Variants in DHRS3 observed in about 807,000 individuals in gnomAD.
The protein encoded by DHRS3 is short-chain dehydrogenase/reductase 3.
Under a neutral mutation model 27.2 loss-of-function variants are expected in DHRS3, and 14 were observed. That is an observed-to-expected ratio of 0.52 (90% CI 0.34 to 0.81). The LOEUF is 0.81. Among genes scored for constraint, DHRS3 ranks in the 30% least tolerant of loss-of-function variants. The pLI, the probability that DHRS3 is intolerant of heterozygous loss-of-function variation, is 0.01. For synonymous variants in DHRS3, 165 were observed against 175.9 expected, an observed-to-expected ratio of 0.94 and a Z score of 0.49; for missense variants, 322 against 406.2, an observed-to-expected ratio of 0.79 and a Z score of 1.78.
intron 1 of DHRS3, among the ~76,000 whole-genome samples, chr1:12,612,471 C>G (rs1170647267): frequency 6.6e-6 from 1 of 152,176 alleles, no homozygotes; most frequent in Admixed American, 6.6e-5. Context: ...CAGGTGGTTT[C>G]TTGTACCTAG....
In DHRS3 at chr1:12,594,164, G is replaced by A. The variant is rs571574771; in HGVS notation, c.196-13498C>T. Among the ~76,000 whole-genome samples the A allele has an allele frequency of 6.6e-6, 1 of 152,196 alleles. No homozygotes were observed. Among genetic ancestry groups the A allele is most frequent in the Non-Finnish European group, 1.5e-5 (1 of 68,034 alleles). On this transcript the variant is annotated intron_variant, in intron 1 of 5. Transcript: ENST00000616661. This position sits in a 1 kb window ranked among gnomAD's most constrained non-coding sequence, Gnocchi z 4.1. ...ACACATCTCCAGATTACTGTCCACCGGGGTGGGATTCAAATTTGGACAGTC... is the reference window on the plus strand; with the variant it reads ...ACACATCTCCAGATTACTGTCCACCAGGGTGGGATTCAAATTTGGACAGTC...
rs1182018071 is a variant in DHRS3 at position 12,580,517 on chromosome 1, AC to A, written c.339+5del. 6.2e-7 allele frequency: 1 copy of A among 1,614,040 alleles called. No homozygotes were observed. Among genetic ancestry groups the A allele is most frequent in the Non-Finnish European group, 8.5e-7 (1 of 1,180,032 alleles). ...TGCTAGGAATAGACCCTCCCAGGCT[AC>A]AGACCTTCTCCCGGACGGCCTTGGC... is the stretch of plus-strand genomic sequence containing the variant. On this transcript the variant is annotated splice_donor_5th_base_variant and intron_variant, in intron 2 of 5. Transcript: ENST00000616661.
At position 12,568,164 on chromosome 1, in the gene DHRS3, A is replaced by G. The variant is rs1418938865; in HGVS notation, c.*176T>C. On this transcript the variant is annotated 3_prime_UTR_variant, in exon 6 of 6. Transcript: ENST00000616661. The stretch of plus-strand genomic sequence containing the variant: ...CTCCCTGTGGGGGTCAGTTATACCC[A>G]TCAGTCCTGTGCAAAGGTCCTGGGA... 17 of 609,570 alleles carry G rather than the reference A, an allele frequency of 2.8e-5. No homozygotes were observed. The highest frequency in any genetic ancestry group is 4.4e-5 in the Non-Finnish European group (15 of 338,962). 37.8% of individuals were successfully genotyped at this position (609,570 alleles called of 1,614,324 possible).
intron 1 of DHRS3, among the ~76,000 whole-genome samples, chr1:12,582,923 C>T (rs1347480701): frequency 6.6e-6 from 1 of 151,034 alleles, no homozygotes; most frequent in Non-Finnish European, 1.5e-5. Flanking sequence ...TCCATCCATC[C>T]ACTTACCCAC....
rs967607503 is a variant in DHRS3, at chr1:12,609,032, G to A, written c.195+8122C>T. On this transcript the variant is annotated intron_variant, in intron 1 of 5. Coordinates refer to ENST00000616661, the MANE Select transcript of DHRS3 (RefSeq NM_004753.7). ...CCCCAGAAGTCGTTTGACAAAGTAG[G>A]ACTGAAAAGCATCTCCTTCATTCTA... 2.2e-4 allele frequency among the ~76,000 whole-genome samples: 34 copies of A among 152,204 alleles called. 1 individual carries two copies. Among genetic ancestry groups the A allele is most frequent in the African/African-American group, 7.7e-4 (32 of 41,456 alleles).
rs960810854 is a variant in DHRS3 at position 12,574,544 on chromosome 1, G to A, written c.699-1691C>T. Among the ~76,000 whole-genome samples, 1 of 152,168 alleles carries A rather than the reference G, an allele frequency of 6.6e-6. No homozygotes were observed. Among genetic ancestry groups the A allele is most frequent in the Non-Finnish European group, 1.5e-5 (1 of 68,032 alleles). ...CCTCTGCCATTCTACAGAGATGAAC[G>A]TGTTGAGGCAGCTCACTGATACTGG... On this transcript the variant is annotated intron_variant, in intron 4 of 5. Transcript: ENST00000616661. The surrounding 1 kb of genome is among the most constrained non-coding windows in gnomAD (Gnocchi z 4.6).
At chr1:12,575,219 C>T (rs1265625635) in intron 4 of DHRS3, among the ~76,000 whole-genome samples, 1 of 151,588 alleles carries the variant, frequency 6.6e-6, no homozygotes, top group Non-Finnish European at 1.5e-5. Flanking sequence ...CCCAGCTACT[C>T]GGGAGGCTGA....
In DHRS3 at chr1:12,617,872, A is replaced by AT; in HGVS notation, c.-525_-524insA. ...ACCCCGTCTCCAGAAAAAAAAAAAAAAAAAAAGTGGGGGGAAAAAGTGCTT... is the reference window on the plus strand; with the variant it reads ...ACCCCGTCTCCAGAAAAAAAAAAAAATAAAAAAGTGGGGGGAAAAAGTGCTT... On this transcript the variant is annotated 5_prime_UTR_variant, in exon 1 of 6. Transcript: ENST00000616661. 1 of 149,896 alleles carries AT rather than the reference A, an allele frequency of 6.7e-6. No homozygotes were observed. The highest frequency in any genetic ancestry group is 2.0e-4 in the East Asian group (1 of 5,110). 9.3% of individuals were successfully genotyped at this position (149,896 alleles called of 1,614,324 possible). A position where few individuals can be genotyped will look rare whatever the true frequency, so the allele number is the denominator to read the frequency against.
chr1:12,575,904 AC>A (rs1343536137), intron 4 of DHRS3, among the ~76,000 whole-genome samples: 2 of 152,034 alleles, frequency 1.3e-5, no homozygotes, highest in Non-Finnish European at 2.9e-5. Flanking sequence ...ACAGGGTTTC[AC>A]CGTGTTGGCC....
At chr1:12,612,682 G>A (rs570365500) in intron 1 of DHRS3, among the ~76,000 whole-genome samples, 1 of 152,258 alleles carries the variant, frequency 6.6e-6, no homozygotes, top group African/African-American at 2.4e-5. Context: ...AGAGTTTTTG[G>A]AGCTATAACT....
At chr1:12,582,673 G>C (rs1014545434) in intron 1 of DHRS3, among the ~76,000 whole-genome samples, 1 of 151,952 alleles carries the variant, frequency 6.6e-6, no homozygotes, top group Non-Finnish European at 1.5e-5. Context: ...ACCACCCCCC[G>C]CCTTGCCTTG....
chr1:12,581,131 A>G (rs1473273117), intron 1 of DHRS3, among the ~76,000 whole-genome samples: 1 of 152,188 alleles, frequency 6.6e-6, no homozygotes. Flanking sequence ...CCAGCCAACA[A>G]TATAACTTTT....
Position 12,600,488 on chromosome 1 carries a change from C to T in DHRS3, c.195+16666G>A, listed in dbSNP as rs570419068. 355 of 733,190 alleles carry T rather than the reference C, an allele frequency of 4.8e-4. No homozygotes were observed. The African/African-American group carries it at 6.0e-3, about 12-fold the overall frequency. 45.4% of individuals were successfully genotyped at this position (733,190 alleles called of 1,614,324 possible). ...AGATGTAAGAACACGGGCCGTGCAG[C>T]CAAGGGTGGACAGACGCCATGTGGG... On this transcript the variant is annotated intron_variant, in intron 1 of 5. Transcript: ENST00000616661.
intron 1 of DHRS3, among the ~76,000 whole-genome samples, chr1:12,614,323 G>C (rs952222184): frequency 6.6e-6 from 1 of 152,128 alleles, no homozygotes; most frequent in African/African-American, 2.4e-5. Context: ...TGGAGGGAAG[G>C]GGAATAAGTT....
At chr1:12,569,575 T>G (rs963294355) in intron 5 of DHRS3, among the ~76,000 whole-genome samples, 3 of 152,150 alleles carry the variant, frequency 2.0e-5, no homozygotes, top group Admixed American at 1.3e-4. Context: ...ATGTTTATTA[T>G]ATTTTTTTGA....
rs949219278 is a variant in DHRS3, at chr1:12,592,058, C to T, written c.196-11392G>A. On this transcript the variant is annotated intron_variant, in intron 1 of 5. Coordinates refer to ENST00000616661, the MANE Select transcript of DHRS3 (RefSeq NM_004753.7). This position sits in a 1 kb window ranked among gnomAD's most constrained non-coding sequence, Gnocchi z 4.2. ...GCATGGGTCAGCACAGTGCCCAGGGCTGGTGTTTGCTGTGAGGGGGTATGG... is the reference window on the plus strand; with the variant it reads ...GCATGGGTCAGCACAGTGCCCAGGGTTGGTGTTTGCTGTGAGGGGGTATGG... Among the ~76,000 whole-genome samples, 1 of 152,066 alleles carries T rather than the reference C, an allele frequency of 6.6e-6. No homozygotes were observed. Among genetic ancestry groups the T allele is most frequent in the Non-Finnish European group, 1.5e-5 (1 of 68,030 alleles).
chr1:12,584,322 G>A (rs1360754595), intron 1 of DHRS3, among the ~76,000 whole-genome samples: 4 of 152,134 alleles, frequency 2.6e-5, no homozygotes, highest in Non-Finnish European at 5.9e-5. Context: ...AAGGAATGAA[G>A]GCTGTCTCCC....
At position 12,572,638 on chromosome 1, in the gene DHRS3, ACTC is replaced by A; in HGVS notation, c.824+87_824+89del. On this transcript the variant is annotated intron_variant, in intron 5 of 5. Coordinates refer to ENST00000616661, the MANE Select transcript of DHRS3 (RefSeq NM_004753.7). ...GTACATCAGCAGCAAATGTGCCAGC[ACTC>A]CTCATGCTCATGCCCGCAGCAGACA... The A allele has an allele frequency of 2.0e-6, 3 of 1,531,938 alleles. No individual in the cohort carries two copies. The South Asian group carries it at 3.6e-5, about 19-fold the overall frequency. 94.9% of individuals were successfully genotyped at this position (1,531,938 alleles called of 1,614,324 possible).
In DHRS3 at chr1:12,617,512, G is replaced by GTT; in HGVS notation, c.-165_-164insAA. ...TCTTCCCAAATGCAAAGCACCGGGT[G>GTT]AGAAAAAGAAAAAAAAAAAAAAAAA... On this transcript the variant is annotated 5_prime_UTR_variant, in exon 1 of 6. Coordinates refer to ENST00000616661, the MANE Select transcript of DHRS3 (RefSeq NM_004753.7). The GTT allele has an allele frequency of 4.7e-6, 1 of 211,426 alleles. No individual in the cohort carries two copies. The highest frequency in any genetic ancestry group is 8.2e-6 in the Non-Finnish European group (1 of 122,086). 13.1% of individuals were successfully genotyped at this position (211,426 alleles called of 1,614,324 possible).
Sources: gnomAD v4.1 joint callset for allele counts (sites outside exome capture counted in the v4.1 genomes callset) on GRCh38, gnomAD v4.1.1 for gene constraint, Gnocchi (gnomAD v3.1) non-coding constraint, MANE v1.5 for transcripts, NCBI Gene and HGNC (gene_info 2026-07-23, HGNC 2026-07-21) for gene names.